SIMC1: variants seen among roughly 807,000 people sequenced by gnomAD.
SIMC1 encodes the protein SUMO interacting motifs containing 1.
In SIMC1, 55 loss-of-function variants were observed where a neutral mutation model predicts 82.3. The observed-to-expected ratio is 0.67, with a 90% CI of 0.54 to 0.84. The LOEUF (loss-of-function observed/expected upper bound fraction) is 0.84, where lower values mean the gene tolerates loss of function less well. Ranked by LOEUF, SIMC1 falls within the 40% of genes least tolerant of loss-of-function variation. The pLI, the probability that SIMC1 is intolerant of heterozygous loss-of-function variation, is 0.00. For synonymous variants in SIMC1, 353 were observed against 426.3 expected (o/e 0.83, Z 2.12); for missense variants, 915 against 1,107.2 (o/e 0.83, Z 2.46).
chr5:176,295,072 A>C lies in SIMC1; in HGVS notation c.1474A>C (p.Arg492=), dbSNP rs755091219. ...KLEPIPHRRL[R]MVTNTIEENF... is the part of the protein sequence containing the mutation. Reference sequence around the variant, plus strand: ...AGAACCCATCCCTCATCGAAGACTAAGAATGGTAACAAATACCATTGAAGA... The same window carrying C: ...AGAACCCATCCCTCATCGAAGACTACGAATGGTAACAAATACCATTGAAGA... The change falls in exon 3 of 10, where the codon AGA becomes CGA. Residue 492 remains arginine (R), a synonymous_variant. Transcript: ENST00000429602. The C allele has an allele frequency of 2.0e-5, 32 of 1,613,582 alleles. No homozygotes were observed. The highest frequency in any genetic ancestry group is 2.7e-5 in the Non-Finnish European group (32 of 1,179,708).
chr5:176,285,813 C>CA (rs1379251301), intron 1 of SIMC1, among the ~76,000 whole-genome samples: 1 of 152,048 alleles, frequency 6.6e-6, no homozygotes, highest in Non-Finnish European at 1.5e-5. Context: ...AATCAATGTG[C>CA]AAAAAATCAC....
chr5:176,251,847 A>T (rs773322918), intron 1 of SIMC1, among the ~76,000 whole-genome samples: 70 of 150,530 alleles, frequency 4.7e-4, no homozygotes, highest in Non-Finnish European at 9.0e-4. Context: ...CCCTTAATCC[A>T]TTTAACCCTG....
In SIMC1 at chr5:176,336,830, A is replaced by G; in HGVS notation, c.2282A>G (p.Gln761Arg). The part of the protein sequence containing the change: ...TPTRLPLSLA[Q>R]ALYFLNNSTS... ...ACCCGCCTGCCTCTGTCTCTGGCCC[A>G]GGCCCTCTACTTTCTGAATAATTCT... The change falls in exon 8 of 10, where the codon CAG (glutamine) becomes CGG (arginine). Residue 761 changes from glutamine to arginine, a missense_variant. Transcript: ENST00000429602. 6.2e-7 allele frequency: 1 copy of G among 1,614,000 alleles called. No individual in the cohort carries two copies. The highest frequency in any genetic ancestry group is 8.5e-7 in the Non-Finnish European group (1 of 1,179,898).
At chr5:176,265,796 GAAC>G (rs1297733781) in intron 1 of SIMC1, among the ~76,000 whole-genome samples, 80 of 152,028 alleles carry the variant, frequency 5.3e-4, no homozygotes, top group African/African-American at 1.9e-3. Context: ...GAGTATGAGA[GAAC>G]AATGAAATGA....
Position 176,240,185 on chromosome 5 carries a change from T to C in SIMC1, c.129+1548T>C, listed in dbSNP as rs1761235978. 2.2e-5 allele frequency among the ~76,000 whole-genome samples: 2 copies of C among 90,886 alleles called. 1 individual carries two copies. The highest frequency in any genetic ancestry group is 8.5e-5 in the African/African-American group (2 of 23,548). 59.6% of individuals were successfully genotyped at this position (90,886 alleles called of 152,430 possible). On this transcript the variant is annotated intron_variant, in intron 1 of 9. Transcript: ENST00000429602. ...GAAAGGAGTATTGAAGGCCTAATAG[T>C]GACTGAGATCATCAAGGAAAAGAGT...
At chr5:176,265,076 T>A (rs1762147964) in intron 1 of SIMC1, among the ~76,000 whole-genome samples, 1 of 152,106 alleles carries the variant, frequency 6.6e-6, no homozygotes. Flanking sequence ...CTGTCCCTAT[T>A]TCCAGATGAC....
chr5:176,297,959 A>G (rs1436477830), intron 4 of SIMC1, among the ~76,000 whole-genome samples: 1 of 152,198 alleles, frequency 6.6e-6, no homozygotes, highest in Non-Finnish European at 1.5e-5. Context: ...TAGGAGTGAA[A>G]TAACAGAGGG....
intron 5 of SIMC1, among the ~76,000 whole-genome samples, chr5:176,321,284 T>C (rs1561722308): frequency 1.3e-5 from 2 of 152,228 alleles, no homozygotes; most frequent in South Asian, 4.1e-4. Context: ...TGCCTGTCAC[T>C]GTAGTTTATT....
chr5:176,342,238 C>T (rs565050566), intron 9 of SIMC1, among the ~76,000 whole-genome samples: 1 of 152,298 alleles, frequency 6.6e-6, no homozygotes, highest in South Asian at 2.1e-4. Flanking sequence ...CCTAACTAGT[C>T]TCAAATAAAA....
intron 1 of SIMC1, chr5:176,270,609 ACCT>A (rs1231510343): frequency 6.6e-6 from 1 of 152,090 alleles, no homozygotes; most frequent in Non-Finnish European, 1.5e-5. Flanking sequence ...CCTATACCAC[ACCT>A]CCTCCGTCAT....
chr5:176,334,011 T>C (rs1216907689), intron 7 of SIMC1, among the ~76,000 whole-genome samples: 3 of 152,066 alleles, frequency 2.0e-5, no homozygotes, highest in Non-Finnish European at 4.4e-5. Flanking sequence ...TTGCTGCAAG[T>C]CTTCATCTAG....
intron 4 of SIMC1, chr5:176,308,753 A>G: frequency 7.2e-7 from 1 of 1,380,066 alleles, no homozygotes. Flanking sequence ...CGTGCCTTGA[A>G]TCAGCAGTAG....
intron 6 of SIMC1, 35 bp downstream of exon 6, chr5:176,322,460 T>G: frequency 1.9e-6 from 3 of 1,586,226 alleles, no homozygotes; most frequent in Non-Finnish European, 1.7e-6. Flanking sequence ...CTGGGGCTCT[T>G]GGGGTTTAGT....
intron 3 of SIMC1, 141 bp downstream of exon 3, chr5:176,295,403 T>G (rs1763771601): frequency 3.6e-6 from 5 of 1,405,830 alleles, no homozygotes; most frequent in Admixed American, 2.8e-5. Context: ...TTGCAAATGA[T>G]AGGAAACCCA....
intron 1 of SIMC1, among the ~76,000 whole-genome samples, chr5:176,282,755 C>A (rs541032920): frequency 6.6e-6 from 1 of 152,302 alleles, no homozygotes; most frequent in East Asian, 1.9e-4. Flanking sequence ...GAACCCATCG[C>A]AAAGAAGCTA....
intron 1 of SIMC1, among the ~76,000 whole-genome samples, chr5:176,264,809 A>G (rs1239126289): frequency 1.3e-5 from 2 of 152,224 alleles, no homozygotes; most frequent in East Asian, 3.9e-4. Flanking sequence ...GAACAAAGCA[A>G]TGATATTTGC....
chr5:176,273,087 T>A (rs1208883557), intron 1 of SIMC1, among the ~76,000 whole-genome samples: 1 of 152,176 alleles, frequency 6.6e-6, no homozygotes, highest in Non-Finnish European at 1.5e-5. Flanking sequence ...AGAGTAGTGG[T>A]TCTCCCAGCT....
rs1762090225 is a variant in SIMC1, at chr5:176,263,644, C to T, written c.129+25007C>T. On this transcript the variant is annotated intron_variant, in intron 1 of 9. Transcript: ENST00000429602. Reference sequence around the variant, plus strand: ...TCTGTCCCCATGATTCCACCAGGTCCTACCTCCAACATTGGGGATCAAATT... The same window carrying T: ...TCTGTCCCCATGATTCCACCAGGTCTTACCTCCAACATTGGGGATCAAATT... 4.5e-6 allele frequency: 5 copies of T among 1,111,542 alleles called. No homozygotes were observed. In the East Asian group the frequency reaches 1.6e-4, roughly 35 times the overall value. 68.9% of individuals were successfully genotyped at this position (1,111,542 alleles called of 1,614,324 possible).
At chr5:176,242,214 A>C (rs1761298931) in intron 1 of SIMC1, among the ~76,000 whole-genome samples, 1 of 152,092 alleles carries the variant, frequency 6.6e-6, no homozygotes, top group Non-Finnish European at 1.5e-5. Context: ...CATTATTATC[A>C]CGGTAGTACA....
Sources: allele counts gnomAD v4.1 joint callset (sites outside exome capture counted in the v4.1 genomes callset), GRCh38; gene constraint gnomAD v4.1.1; transcripts MANE v1.5; gene names NCBI Gene and HGNC (gene_info 2026-07-23, HGNC 2026-07-21).